NBEAL2: variants seen among roughly 807,000 people sequenced by gnomAD.
NBEAL2 encodes the protein neurobeachin-like protein 2.
NBEAL2 carries 160 observed loss-of-function variants against 299.8 expected under a neutral mutation model. The ratio of observed to expected loss-of-function variants is 0.53; its 90% confidence interval spans 0.47 to 0.61. NBEAL2 has a LOEUF of 0.61. Ranked by LOEUF, NBEAL2 falls within the 20% of genes least tolerant of loss-of-function variation. The probability of loss-of-function intolerance (pLI) is 0.00; values close to 1 mark genes in which losing one functional copy is unlikely to be tolerated. For synonymous variants in NBEAL2, 1,493 were observed against 1,542.3 expected (o/e 0.97, Z 0.75); for missense variants, 3,112 against 3,649.0 (o/e 0.85, Z 3.79).
At position 46,998,495 on chromosome 3, in the gene NBEAL2, G is replaced by C. The variant is rs1337861117; in HGVS notation, c.3151G>C (p.Glu1051Gln). Residue 1051 changes from glutamate to glutamine, a missense_variant, in exon 22 of 54, where the codon GAG (glutamate) becomes CAG (glutamine). Transcript: ENST00000450053. ...HIQYMSSIVREHRQKLRKKYG... is the reference protein window; with the variant it reads ...HIQYMSSIVRQHRQKLRKKYG... ...CCAGTACATGTCCAGCATAGTTCGGGAGCACAGACAGAAGCTGCGGAAGAA... is the reference window on the plus strand; with the variant it reads ...CCAGTACATGTCCAGCATAGTTCGGCAGCACAGACAGAAGCTGCGGAAGAA... 3 of 1,613,428 alleles carry C rather than the reference G, an allele frequency of 1.9e-6. No homozygotes were observed. Among genetic ancestry groups the C allele is most frequent in the Non-Finnish European group, 2.5e-6 (3 of 1,179,768 alleles).
chr3:46,980,656 C>A (rs2035265913), intron 1 of NBEAL2, among the ~76,000 whole-genome samples: 1 of 152,104 alleles, frequency 6.6e-6, no homozygotes, highest in Non-Finnish European at 1.5e-5. Context: ...AGCTCCCCAC[C>A]CATCTCAGAA....
rs768648692 is a variant in NBEAL2, at chr3:47,007,125, C to T, written c.7194C>T (p.Ser2398=). The T allele has an allele frequency of 6.2e-7, 1 of 1,613,742 alleles. No homozygotes were observed. Among genetic ancestry groups the T allele is most frequent in the Admixed American group, 1.7e-5 (1 of 60,012 alleles). Reference sequence around the variant, plus strand: ...TGGTCCCCCACCGGCAGCCCCACTCCTTCATCACCCAGGGTTCCCCAGACC... The same window carrying T: ...TGGTCCCCCACCGGCAGCCCCACTCTTTCATCACCCAGGGTTCCCCAGACC... ...LALVPHRQPH[S]FITQGSPDLL... Residue 2398 remains serine (S), a synonymous_variant, in exon 46 of 54, where the codon TCC becomes TCT. Coordinates refer to ENST00000450053, the MANE Select transcript of NBEAL2 (RefSeq NM_015175.3).
Position 46,997,614 on chromosome 3 carries a change from T to C in NBEAL2, c.2878T>C (p.Phe960Leu). Residue 960 changes from phenylalanine (F) to leucine (L), a missense_variant, in exon 20 of 54, where the codon TTC becomes CTC. This residue lies in a region of NBEAL2 where 2,243 missense variants were observed against 2,538.1 expected (regional missense o/e 0.88). Transcript: ENST00000450053. ...TGCTTTTCTGCTGATGCTGCGGAAC[T>C]TCCTTCAGGGTCACATGGTGAACCA... ...VAAFLLMLRNFLQGHMVNQES... is the reference protein window; with the variant it reads ...VAAFLLMLRNLLQGHMVNQES... 6.2e-7 allele frequency: 1 copy of C among 1,600,292 alleles called. No individual in the cohort carries two copies. The highest frequency in any genetic ancestry group is 1.1e-5 in the South Asian group (1 of 90,336).
rs1337349261 is a variant in NBEAL2, at chr3:46,999,385, G to A, written c.3614G>A (p.Cys1205Tyr). Residue 1205 changes from cysteine to tyrosine, a missense_variant, in exon 25 of 54, where the codon TGT becomes TAT. Around this residue, in one of 3 missense-constraint regions of NBEAL2, gnomAD observed 2,243 missense variants for 2,538.1 expected, o/e 0.88. Transcript: ENST00000450053. ...CGCCAGCGCCTCCGGCTGCGGGAGT[G>A]TGGTCTCCAGGGTCTGGTTGCCTGC... Reference protein sequence around the residue: ...RSRQRLRLRECGLQGLVACLP... With the variant: ...RSRQRLRLREYGLQGLVACLP... 4.4e-6 allele frequency: 7 copies of A among 1,606,136 alleles called. No homozygotes were observed. Among genetic ancestry groups the A allele is most frequent in the Non-Finnish European group, 5.9e-6 (7 of 1,177,084 alleles).
chr3:46,990,720 G>A (rs1243853531), intron 6 of NBEAL2, among the ~76,000 whole-genome samples: 1 of 152,204 alleles, frequency 6.6e-6, no homozygotes, highest in Admixed American at 6.5e-5. Context: ...GGCCTCCTAC[G>A]TATTAGGTTG....
In NBEAL2 at chr3:47,001,909, T is replaced by C; in HGVS notation, c.4783-11T>C. On this transcript the variant is annotated splice_polypyrimidine_tract_variant and intron_variant, in intron 30 of 53. Transcript: ENST00000450053. The surrounding 1 kb of genome is among the most constrained non-coding windows in gnomAD (Gnocchi z 6.1). ...GTGGCTGGGTGCCACTCATCTCTCT[T>C]GCGCCCACAGCTGCATGCCCAGGCC... 3.1e-6 allele frequency: 5 copies of C among 1,605,588 alleles called. No individual in the cohort carries two copies. Among genetic ancestry groups the C allele is most frequent in the Non-Finnish European group, 4.3e-6 (5 of 1,174,116 alleles).
Position 46,996,955 on chromosome 3 carries a change from C to T in NBEAL2, c.2558C>T (p.Ala853Val). 1 of 1,613,200 alleles carries T rather than the reference C, an allele frequency of 6.2e-7. No individual in the cohort carries two copies. Among genetic ancestry groups the T allele is most frequent in the East Asian group, 2.2e-5 (1 of 44,888 alleles). The change falls in exon 18 of 54, where the codon GCT becomes GTT. Residue 853 changes from alanine to valine, a missense_variant and splice_region_variant. By Grantham distance (64) the Ala-to-Val change is moderately conservative. Transcript: ENST00000450053. ...TRLLLHYSPQ[A>V]CKNNICLDLS... ...GCCTGCCCATTCCCCTATCCCTAGG[C>T]TTGTAAGAACAACATCTGCCTGGAC...
In NBEAL2 at chr3:47,003,611, CT is replaced by C. The variant is rs904145846; in HGVS notation, c.5721-204del. On this transcript the variant is annotated intron_variant, in intron 35 of 53. Coordinates refer to ENST00000450053, the MANE Select transcript of NBEAL2 (RefSeq NM_015175.3). The surrounding 1 kb of genome is among the most constrained non-coding windows in gnomAD (Gnocchi z 7.0). ...GGAGCAGGGGACAAGGGTTGGCATC[CT>C]GGCAAAATATTCAGAAGCCCAGTGG... Among the ~76,000 whole-genome samples the C allele has an allele frequency of 3.3e-5, 5 of 152,044 alleles. No individual in the cohort carries two copies. Among genetic ancestry groups the C allele is most frequent in the Non-Finnish European group, 5.9e-5 (4 of 68,002 alleles).
In NBEAL2 at chr3:46,988,553, T is replaced by C; in HGVS notation, c.52-116T>C. 1 of 706,620 alleles carries C rather than the reference T, an allele frequency of 1.4e-6. No individual in the cohort carries two copies. Among genetic ancestry groups the C allele is most frequent in the Non-Finnish European group, 2.3e-6 (1 of 427,808 alleles). The allele number at this position is 706,620 out of a possible 1,614,324, so 43.8% of individuals were successfully genotyped here. A position where few individuals can be genotyped will look rare whatever the true frequency, so the allele number is the denominator to read the frequency against. ...CCTCCACTCTGCCTTTAACCCCTTG[T>C]CCATGCCCTCTGTCCACCTCCATTC... is the stretch of plus-strand genomic sequence containing the variant. On this transcript the variant is annotated intron_variant, in intron 1 of 53. Transcript: ENST00000450053. The surrounding 1 kb of genome is among the most constrained non-coding windows in gnomAD (Gnocchi z 4.4).
Position 46,989,534 on chromosome 3 carries a change from A to G in NBEAL2, c.497A>G (p.Lys166Arg). The G allele has an allele frequency of 6.3e-7, 1 of 1,597,214 alleles. No individual in the cohort carries two copies. The highest frequency in any genetic ancestry group is 8.5e-7 in the Non-Finnish European group (1 of 1,171,906). ...RSGEVISSKE[K>R]SKYKFPPAAL... ...AGGGAAGTCATCAGCTCCAAGGAGA[A>G]GAGCAAATACAAGTTCCCTCCTGCT... is the stretch of plus-strand genomic sequence containing the variant. The change falls in exon 6 of 54, where the codon AAG becomes AGG. Residue 166 changes from lysine to arginine, a missense_variant. Lys to Arg is a conservative substitution (Grantham distance 26). Coordinates refer to ENST00000450053, the MANE Select transcript of NBEAL2 (RefSeq NM_015175.3). The surrounding 1 kb of genome is among the most constrained non-coding windows in gnomAD (Gnocchi z 5.5).
chr3:47,005,526 G>A lies in NBEAL2; in HGVS notation c.6598G>A (p.Ala2200Thr). The A allele has an allele frequency of 6.2e-7, 1 of 1,610,634 alleles. No individual in the cohort carries two copies. The highest frequency in any genetic ancestry group is 1.3e-5 in the African/African-American group (1 of 75,010). The change falls in exon 41 of 54, where the codon GCA (alanine) becomes ACA (threonine). Residue 2200 changes from alanine to threonine, a missense_variant. Ala to Thr is a moderately conservative substitution (Grantham distance 58, BLOSUM62 0). Around this residue, in one of 3 missense-constraint regions of NBEAL2, gnomAD observed 521 missense variants for 729.6 expected, o/e 0.71. Transcript: ENST00000450053. Reference protein sequence around the residue: ...CSDRQFHSVAAAWQARLESPA... With the variant: ...CSDRQFHSVATAWQARLESPA... ...CGACCGGCAGTTCCACTCGGTGGCGGCAGCCTGGCAGGCACGCCTGGAGAG... is the reference window on the plus strand; with the variant it reads ...CGACCGGCAGTTCCACTCGGTGGCGACAGCCTGGCAGGCACGCCTGGAGAG...
Position 46,997,188 on chromosome 3 carries a change from G to A in NBEAL2, c.2650-71G>A. 3 of 1,586,354 alleles carry A rather than the reference G, an allele frequency of 1.9e-6. No homozygotes were observed. In the South Asian group the frequency reaches 3.4e-5, roughly 18 times the overall value. On this transcript the variant is annotated intron_variant, in intron 18 of 53. Transcript: ENST00000450053. Reference sequence around the variant, plus strand: ...AGAGAGCAAAACTTCCTTTCTGGGTGGTCTGCTGGGGTGGAGTAGGGCAGG... The same window carrying A: ...AGAGAGCAAAACTTCCTTTCTGGGTAGTCTGCTGGGGTGGAGTAGGGCAGG...
At chr3:46,998,031 G>C in intron 20 of NBEAL2, 36 bp from the exon 21 acceptor site, 1 of 1,536,492 alleles carries the variant, frequency 6.5e-7, no homozygotes, top group South Asian at 1.2e-5. Flanking sequence ...GACAGGCAGA[G>C]CCTGAGCCCT....
intron 45 of NBEAL2, 45 bp from the exon 46 acceptor site, chr3:47,007,021 T>C: frequency 6.8e-7 from 1 of 1,480,286 alleles, no homozygotes. Context: ...GATAGTGTAA[T>C]CTGATAGTAC....
In NBEAL2 at chr3:47,009,228, A is replaced by G. The variant is rs2037706097; in HGVS notation, c.8173A>G (p.Ser2725Gly). The change falls in exon 54 of 54, where the codon AGC becomes GGC. Residue 2725 changes from serine to glycine, a missense_variant. Physicochemically the swap from Ser to Gly is moderately conservative, Grantham distance 56 (BLOSUM62 0). Transcript: ENST00000450053. ...CCCTTACGCCCACCAGGTGCGCAGCAGCCAGTTCGCGCGGAAGCTGTGGCG... is the reference window on the plus strand; with the variant it reads ...CCCTTACGCCCACCAGGTGCGCAGCGGCCAGTTCGCGCGGAAGCTGTGGCG... ...VAGQPSEVRS[S>G]QFARKLWRSS... 28 of 1,597,158 alleles carry G rather than the reference A, an allele frequency of 1.8e-5. No individual in the cohort carries two copies. Among genetic ancestry groups the G allele is most frequent in the Non-Finnish European group, 2.2e-5 (26 of 1,173,514 alleles).
In NBEAL2 at chr3:47,008,567, TTCACTGCCCCTGGCAGA is replaced by T; in HGVS notation, c.7927_7943del (p.Ser2643AlafsTer73). The T allele has an allele frequency of 6.2e-7, 1 of 1,613,708 alleles. No homozygotes were observed. The highest frequency in any genetic ancestry group is 8.5e-7 in the Non-Finnish European group (1 of 1,179,876). On this transcript the variant is annotated frameshift_variant, in exon 52 of 54. Transcript: ENST00000450053. LOFTEE classifies it high-confidence loss of function. Reference sequence around the variant, plus strand: ...ATTCAGTCAATGGGAAGTTGCGGGCTTCACTGCCCCTGGCAGAGCAGCCTACAGCCCTGACGGTGACA... The same window carrying T: ...ATTCAGTCAATGGGAAGTTGCGGGCTGCAGCCTACAGCCCTGACGGTGACA...
Position 46,998,821 on chromosome 3 carries a change from A to T in NBEAL2, c.3326A>T (p.Asp1109Val). 6.4e-7 allele frequency: 1 copy of T among 1,571,768 alleles called. No homozygotes were observed. Among genetic ancestry groups the T allele is most frequent in the Non-Finnish European group, 8.6e-7 (1 of 1,158,754 alleles). ...EFLVRSLSAD[D>V]VQVTQTMLSF... The stretch of plus-strand genomic sequence containing the variant: ...CTGGTGCGGAGTCTCTCAGCAGATG[A>T]CGTGCAGGTCACGCAGACCATGCTG... Residue 1109 changes from aspartate (D) to valine (V), a missense_variant, in exon 23 of 54, where the codon GAC (aspartate) becomes GTC (valine). Transcript: ENST00000450053.
Position 46,988,079 on chromosome 3 carries a change from T to G in NBEAL2, c.52-590T>G. ...CCAGCTCTGGGGCCTGGGGTCCAGG[T>G]AACCAGCAAGGGTGGGTGGAGGTTC... On this transcript the variant is annotated intron_variant, in intron 1 of 53. Coordinates refer to ENST00000450053, the MANE Select transcript of NBEAL2 (RefSeq NM_015175.3). This position sits in a 1 kb window ranked among gnomAD's most constrained non-coding sequence, Gnocchi z 4.4. 1 of 1,229,868 alleles carries G rather than the reference T, an allele frequency of 8.1e-7. No homozygotes were observed. Among genetic ancestry groups the G allele is most frequent in the South Asian group, 1.4e-5 (1 of 73,618 alleles). 76.2% of individuals were successfully genotyped at this position (1,229,868 alleles called of 1,614,324 possible). A position where few individuals can be genotyped will look rare whatever the true frequency, so the allele number is the denominator to read the frequency against.
intron 21 of NBEAL2, 88 bp downstream of exon 21, chr3:46,998,314 T>C (rs2036662989): frequency 3.9e-6 from 6 of 1,537,104 alleles, no homozygotes; most frequent in Non-Finnish European, 5.3e-6. Context: ...TCTGAGGGAC[T>C]CACCTGTTAG....
Sources: gnomAD v4.1 joint callset for allele counts (sites outside exome capture counted in the v4.1 genomes callset) on GRCh38, gnomAD v4.1.1 for gene constraint, gnomAD v4.1.1 regional missense constraint, Gnocchi (gnomAD v3.1) non-coding constraint, MANE v1.5 for transcripts, NCBI Gene and HGNC (gene_info 2026-07-23, HGNC 2026-07-21) for gene names.